ZNF385B: variants seen among roughly 807,000 people sequenced by gnomAD.
The protein encoded by ZNF385B is zinc finger protein 533.
A neutral mutation model predicts 39.2 loss-of-function variants in ZNF385B; 23 were observed. The ratio of observed to expected loss-of-function variants is 0.59; its 90% CI spans 0.42 to 0.83. The LOEUF is 0.83. ZNF385B is among the 40% of genes least tolerant of loss of function. ZNF385B has a pLI of 0.00. For synonymous variants in ZNF385B, 205 were observed against 222.6 expected (o/e 0.92, Z 0.70); for missense variants, 552 against 598.9 (o/e 0.92, Z 0.82).
chr2:179,762,879 C>A (rs1050049654), intron 3 of ZNF385B, among the ~76,000 whole-genome samples: 11 of 151,896 alleles, frequency 7.2e-5, no homozygotes, highest in Non-Finnish European at 1.6e-4. Flanking sequence ...TGGCTATAGG[C>A]CTATTCAGAT....
At chr2:179,685,590 T>C (rs528147422) in intron 3 of ZNF385B, among the ~76,000 whole-genome samples, 1 of 152,284 alleles carries the variant, frequency 6.6e-6, no homozygotes, top group African/African-American at 2.4e-5. Context: ...AGATGGAGTA[T>C]AGTAACTGCT....
intron 3 of ZNF385B, among the ~76,000 whole-genome samples, chr2:179,566,603 T>C (rs1684608522): frequency 6.6e-6 from 1 of 152,268 alleles, no homozygotes; most frequent in African/African-American, 2.4e-5. Flanking sequence ...AATTAATTTA[T>C]AACTGTTGAT....
chr2:179,827,970 T>C (rs1326672657), intron 1 of ZNF385B, among the ~76,000 whole-genome samples: 1 of 152,232 alleles, frequency 6.6e-6, no homozygotes, highest in Non-Finnish European at 1.5e-5. Context: ...ATGTAGAATT[T>C]ATTCTTTTGT....
At chr2:179,679,598 ATTATTGTTG>A (rs1182344365) in intron 3 of ZNF385B, among the ~76,000 whole-genome samples, 4 of 106,936 alleles carry the variant, frequency 3.7e-5, no homozygotes, top group East Asian at 3.5e-4. Context: ...ATTAACAGCT[ATTATTGTTG>A]TTGTTGTTGT....
chr2:179,450,424 C>T (rs1422075349), intron 6 of ZNF385B, among the ~76,000 whole-genome samples: 1 of 152,152 alleles, frequency 6.6e-6, no homozygotes, highest in Admixed American at 6.5e-5. Context: ...ACAACCCCAT[C>T]AAAAAGTGGG....
intron 5 of ZNF385B, among the ~76,000 whole-genome samples, chr2:179,488,111 C>T (rs2054796148): frequency 6.6e-6 from 1 of 152,152 alleles, no homozygotes; most frequent in African/African-American, 2.4e-5. Context: ...CTTCACTGTG[C>T]TCTCATTTCT....
intron 3 of ZNF385B, among the ~76,000 whole-genome samples, chr2:179,769,173 G>A (rs1215420585): frequency 6.6e-6 from 1 of 152,082 alleles, no homozygotes; most frequent in Non-Finnish European, 1.5e-5. Context: ...TTAAGAGAGG[G>A]AAAAAATGAC....
intron 3 of ZNF385B, among the ~76,000 whole-genome samples, chr2:179,656,955 A>G (rs891121275): frequency 6.6e-6 from 1 of 152,164 alleles, no homozygotes; most frequent in Admixed American, 6.6e-5. Context: ...TTTAGCTTAA[A>G]GTTTTTCAGT....
At chr2:179,531,674 C>T (rs1266650288) in intron 4 of ZNF385B, among the ~76,000 whole-genome samples, 2 of 151,970 alleles carry the variant, frequency 1.3e-5, no homozygotes, top group Non-Finnish European at 1.5e-5. Flanking sequence ...AATAAATATC[C>T]TTTTTAACTG....
At chr2:179,787,732 G>A (rs74469992) in intron 1 of ZNF385B, among the ~76,000 whole-genome samples, 3,365 of 152,258 alleles carry the variant, frequency 0.022, 49 homozygotes, top group Non-Finnish European at 0.033. Context: ...GAACAGGGCT[G>A]TCCAGTTTCC....
At chr2:179,850,999 T>C (rs901124334) in intron 1 of ZNF385B, among the ~76,000 whole-genome samples, 5 of 152,242 alleles carry the variant, frequency 3.3e-5, no homozygotes, top group Non-Finnish European at 7.3e-5. Flanking sequence ...AATTTGCCTC[T>C]TAAGAAGATC....
At chr2:179,756,896 CA>C (rs1291825925) in intron 3 of ZNF385B, among the ~76,000 whole-genome samples, 1 of 152,178 alleles carries the variant, frequency 6.6e-6, no homozygotes, top group Non-Finnish European at 1.5e-5. Context: ...AGCTTCTTTA[CA>C]ATGGGTTTGA....
At chr2:179,836,752 T>G (rs1460095150) in intron 1 of ZNF385B, among the ~76,000 whole-genome samples, 1 of 151,922 alleles carries the variant, frequency 6.6e-6, no homozygotes, top group East Asian at 1.9e-4. Flanking sequence ...TCTCCTGACC[T>G]CATGATCCAC....
intron 3 of ZNF385B, among the ~76,000 whole-genome samples, chr2:179,726,025 C>A (rs12467122): frequency 0.12 from 17,881 of 151,462 alleles, 1,728 homozygotes; most frequent in East Asian, 0.5. Flanking sequence ...AAAATGAAAT[C>A]TTAGAGTCAT....
intron 3 of ZNF385B, among the ~76,000 whole-genome samples, chr2:179,669,869 G>C (rs1163274682): frequency 6.6e-6 from 1 of 152,094 alleles, no homozygotes; most frequent in African/African-American, 2.4e-5. Context: ...ATATAATACA[G>C]AGCCCTCCTG....
Position 179,527,070 on chromosome 2 carries a change from A to G in ZNF385B, c.442-8432T>C, listed in dbSNP as rs556198888. On this transcript the variant is annotated intron_variant, in intron 4 of 9. Transcript: ENST00000410066. ...TAAGTCCTGGATCCAGTGAAGCTTCATTACTATTGCTACTACTACTATTTT... is the reference window on the plus strand; with the variant it reads ...TAAGTCCTGGATCCAGTGAAGCTTCGTTACTATTGCTACTACTACTATTTT... Among the ~76,000 whole-genome samples, 40 of 152,342 alleles carry G rather than the reference A, an allele frequency of 2.6e-4. 1 individual carries two copies. The South Asian group carries it at 7.3e-3, about 28-fold the overall frequency.
intron 3 of ZNF385B, chr2:179,745,805 A>C: frequency 6.7e-7 from 1 of 1,491,622 alleles, no homozygotes; most frequent in African/African-American, 1.4e-5. Flanking sequence ...GTATGTGACC[A>C]GGATAATGCA....
intron 4 of ZNF385B, among the ~76,000 whole-genome samples, chr2:179,526,954 G>C (rs553593576): frequency 6.6e-6 from 1 of 152,292 alleles, no homozygotes; most frequent in East Asian, 1.9e-4. Context: ...AACTACCCAG[G>C]CAGAAAGTTA....
At chr2:179,772,227 A>T (rs1245225881) in intron 1 of ZNF385B, among the ~76,000 whole-genome samples, 1 of 152,320 alleles carries the variant, frequency 6.6e-6, no homozygotes, top group East Asian at 1.9e-4. Flanking sequence ...GATATCTTCC[A>T]TAAAAAATAA....
Sources: gnomAD v4.1 joint callset for allele counts (sites outside exome capture counted in the v4.1 genomes callset) on GRCh38, gnomAD v4.1.1 for gene constraint, MANE v1.5 for transcripts, NCBI Gene and HGNC (gene_info 2026-07-23, HGNC 2026-07-21) for gene names.